ARSG: variants seen among roughly 807,000 people sequenced by gnomAD.
ARSG encodes the protein ASG.
Under a neutral mutation model 50.5 loss-of-function variants are expected in ARSG, and 37 were observed. The ratio of observed to expected loss-of-function variants is 0.73; its 90% confidence interval spans 0.56 to 0.96. The LOEUF is 0.96. Among genes scored for constraint, ARSG ranks in the 50% least tolerant of loss-of-function variants. ARSG has a pLI of 0.00. For missense variants in ARSG, 629 were observed against 675.3 expected (o/e 0.93, Z 0.76); for synonymous variants, 225 against 254.6 (o/e 0.88, Z 1.11).
At chr17:68,320,759 C>G (rs946268319) in intron 2 of ARSG, among the ~76,000 whole-genome samples, 7 of 152,124 alleles carry the variant, frequency 4.6e-5, no homozygotes, top group African/African-American at 1.2e-4. Context: ...GATGGCCCAC[C>G]TGGGTGGCTG....
intron 5 of ARSG, among the ~76,000 whole-genome samples, chr17:68,354,749 T>TG (rs1469030014): frequency 6.6e-6 from 1 of 151,972 alleles, no homozygotes; most frequent in African/African-American, 2.4e-5. Flanking sequence ...CCAGGTGTGG[T>TG]GGCACACACC....
At chr17:68,421,124 C>T (rs2082741439), downstream of ARSG, 1 of 154,462 alleles carries the variant, frequency 6.5e-6, no homozygotes, top group African/African-American at 2.4e-5. Flanking sequence ...AGGTCGTTTT[C>T]CAGATCTCAG....
the ARSG span, chr17:68,430,252 C>G: frequency 2.3e-6 from 3 of 1,318,760 alleles, no homozygotes; most frequent in Non-Finnish European, 3.1e-6. Flanking sequence ...TAGCCACACT[C>G]CCCGCAGCAG....
chr17:68,402,716 A>G (rs558679398), intron 11 of ARSG, among the ~76,000 whole-genome samples: 22 of 150,454 alleles, frequency 1.5e-4, no homozygotes, highest in Admixed American at 2.6e-4. Flanking sequence ...TAGTAGAGAC[A>G]GGGTTTCACC....
chr17:68,436,247 C>T, the ARSG span: 3 of 767,012 alleles, frequency 3.9e-6, no homozygotes, highest in Admixed American at 2.2e-5. Context: ...GTATCACCTT[C>T]TCTTGAACAA....
chr17:68,322,937 C>G (rs111464754), intron 2 of ARSG, among the ~76,000 whole-genome samples: 12,795 of 152,178 alleles, frequency 0.084, 574 homozygotes, highest in Middle Eastern at 0.12. Flanking sequence ...AGACGGCCCC[C>G]TTCTTGCTGT....
the ARSG span, among the ~76,000 whole-genome samples, chr17:68,449,506 C>T: frequency 0.079 from 12,030 of 152,288 alleles, 600 homozygotes; most frequent in East Asian, 0.14. Flanking sequence ...GAATTGTAAT[C>T]TTCAGTGTTG....
At chr17:68,363,903 C>T (rs1414861568) in intron 6 of ARSG, among the ~76,000 whole-genome samples, 5 of 152,148 alleles carry the variant, frequency 3.3e-5, no homozygotes, top group Admixed American at 2.0e-4. Context: ...CAGTCCATTT[C>T]AGAGAGACCC....
At chr17:68,286,170 A>G (rs1168717157) in intron 1 of ARSG, among the ~76,000 whole-genome samples, 4 of 152,226 alleles carry the variant, frequency 2.6e-5, no homozygotes. Flanking sequence ...ATTACCTGCC[A>G]TCATGAGAAG....
intron 7 of ARSG, among the ~76,000 whole-genome samples, chr17:68,368,957 A>C (rs550638118): frequency 1.3e-5 from 2 of 152,364 alleles, no homozygotes; most frequent in African/African-American, 4.8e-5. Context: ...TTGCACACAC[A>C]GAGCAGCCAC....
intron 1 of ARSG, among the ~76,000 whole-genome samples, chr17:68,264,643 G>A (rs192178490): frequency 2.2e-4 from 34 of 151,852 alleles, no homozygotes; most frequent in African/African-American, 8.2e-4. Context: ...TTCCATGTTG[G>A]TCAGGCTGGT....
chr17:68,311,067 G>A (rs946960000), intron 2 of ARSG, among the ~76,000 whole-genome samples: 1 of 152,084 alleles, frequency 6.6e-6, no homozygotes, highest in Admixed American at 6.5e-5. Context: ...ATGTGGCGGT[G>A]CACGGGAGAA....
chr17:68,435,669 G>A, the ARSG span: 612 of 1,614,222 alleles, frequency 3.8e-4, 4 homozygotes, highest in African/African-American at 7.2e-3. Context: ...GAAGGTGATG[G>A]CAGCTAGTGT....
chr17:68,372,392 G>GGTTT (rs962332535), intron 8 of ARSG, among the ~76,000 whole-genome samples: 1 of 152,142 alleles, frequency 6.6e-6, no homozygotes, highest in African/African-American at 2.4e-5. Flanking sequence ...AAAGAAAAGA[G>GGTTT]GTTTAATTGA....
At chr17:68,451,427 C>T in the ARSG span, among the ~76,000 whole-genome samples, 9 of 152,096 alleles carry the variant, frequency 5.9e-5, no homozygotes, top group Non-Finnish European at 1.2e-4. Flanking sequence ...AGCAAGACTC[C>T]GTCTCAAGAA....
chr17:68,437,016 A>ATG, the ARSG span, among the ~76,000 whole-genome samples: 430 of 144,660 alleles, frequency 3.0e-3, 2 homozygotes, highest in African/African-American at 0.01. Context: ...ATATATATAT[A>ATG]TGTGTGTGTG....
At chr17:68,280,187 A>C (rs2145089746) in intron 1 of ARSG, among the ~76,000 whole-genome samples, 1 of 151,558 alleles carries the variant, frequency 6.6e-6, no homozygotes, top group African/African-American at 2.4e-5. Context: ...CTCAAAAAAA[A>C]AAAAAAAAAA....
At chr17:68,384,195 T>A (rs1167958499) in intron 8 of ARSG, among the ~76,000 whole-genome samples, 1 of 152,042 alleles carries the variant, frequency 6.6e-6, no homozygotes, top group African/African-American at 2.4e-5. Flanking sequence ...ACGCTAACTT[T>A]GTGGGATCCT....
intron 2 of ARSG, among the ~76,000 whole-genome samples, chr17:68,320,717 A>G (rs1555770281): frequency 6.6e-6 from 1 of 152,068 alleles, no homozygotes; most frequent in Non-Finnish European, 1.5e-5. Context: ...CCTACATTTG[A>G]GAATTTGAGA....
Sources: allele counts gnomAD v4.1 joint callset (sites outside exome capture counted in the v4.1 genomes callset), GRCh38; gene constraint gnomAD v4.1.1; transcripts MANE v1.5; gene names NCBI Gene and HGNC (gene_info 2026-07-23, HGNC 2026-07-21).